Variants in DMD observed in about 807,000 individuals in gnomAD.
DMD encodes mutant dystrophin.
DMD carries 63 observed loss-of-function variants against 330.1 expected under a neutral mutation model. That is an observed-to-expected ratio of 0.19 (90% CI 0.16 to 0.24). The LOEUF (loss-of-function observed/expected upper bound fraction) is 0.24, where lower values mean the gene tolerates loss of function less well. Ranked by LOEUF, DMD falls within the 10% of genes least tolerant of loss-of-function variation. The probability of loss-of-function intolerance (pLI) is 1.00; values close to 1 mark genes in which losing one functional copy is unlikely to be tolerated. For missense variants in DMD, 3,344 were observed against 2,684.1 expected (o/e 1.25, Z -5.43); for synonymous variants, 1,223 against 959.8 (o/e 1.27, Z -5.07).
At chrX:32,185,745 C>G (rs748066237) in intron 44 of DMD, among the ~76,000 whole-genome samples, 1 of 110,756 alleles carries the variant, frequency 9.0e-6, no homozygotes, top group Non-Finnish European at 1.9e-5. Flanking sequence ...TTTAAAAAAA[C>G]TGAATAAATA....
intron 7 of DMD, among the ~76,000 whole-genome samples, chrX:32,781,092 TGGGCGAC>T (rs1418410463): frequency 5.2e-5 from 5 of 96,981 alleles, no homozygotes; most frequent in Non-Finnish European, 1.0e-4. Context: ...CACTCCAGCC[TGGGCGAC>T]GGAGCGAGCC....
chrX:31,318,461 A>G (rs368140755), intron 62 of DMD, among the ~76,000 whole-genome samples: 28 of 112,582 alleles, frequency 2.5e-4, no homozygotes, highest in African/African-American at 9.0e-4. Flanking sequence ...TGTTGACTGA[A>G]GCAACTGTTA....
intron 16 of DMD, among the ~76,000 whole-genome samples, chrX:32,558,287 T>C (rs1446111332): frequency 8.9e-6 from 1 of 111,961 alleles, no homozygotes; most frequent in Non-Finnish European, 1.9e-5. Context: ...AGCAATGAGA[T>C]TTAATTTTTC....
At chrX:32,569,349 G>T (rs1378687896) in intron 15 of DMD, among the ~76,000 whole-genome samples, 1 of 112,026 alleles carries the variant, frequency 8.9e-6, no homozygotes. Flanking sequence ...TATATTATGT[G>T]TAGTTACTTA....
intron 12 of DMD, among the ~76,000 whole-genome samples, chrX:32,599,176 G>A (rs2055901701): frequency 8.9e-6 from 1 of 111,851 alleles, no homozygotes; most frequent in Non-Finnish European, 1.9e-5. Flanking sequence ...CTTCAAATGC[G>A]AAATAAATAT....
chrX:31,293,198 TG>T (rs1341897377), intron 62 of DMD, among the ~76,000 whole-genome samples: 26 of 47,105 alleles, frequency 5.5e-4, no homozygotes, highest in African/African-American at 5.1e-3. Context: ...GTGTGTAGTC[TG>T]GTTTAGTGTG....
At chrX:31,571,804 C>T (rs1376830061) in intron 55 of DMD, among the ~76,000 whole-genome samples, 2 of 111,132 alleles carry the variant, frequency 1.8e-5, no homozygotes, top group Admixed American at 1.9e-4. Flanking sequence ...CAGCAGTATC[C>T]CCGCCCCCAA....
intron 7 of DMD, among the ~76,000 whole-genome samples, chrX:32,738,148 A>T (rs1649250878): frequency 8.9e-6 from 1 of 111,980 alleles, no homozygotes; most frequent in Non-Finnish European, 1.9e-5. Context: ...GAGGGTTACC[A>T]GTGACTTGGT....
chrX:31,865,715 A>C (rs990986471), intron 48 of DMD, among the ~76,000 whole-genome samples: 1 of 73,833 alleles, frequency 1.4e-5, no homozygotes, highest in Non-Finnish European at 2.7e-5. Context: ...ATCTGAGTAT[A>C]TTCTTGAGTC....
Position 31,351,157 on chromosome X carries a change from T to TACACAC in DMD, c.9085-2524_9085-2523insGTGTGT, listed in dbSNP as rs776501693. 1.6e-4 allele frequency among the ~76,000 whole-genome samples: 13 copies of TACACAC among 79,905 alleles called. No individual in the cohort carries two copies. The East Asian group carries it at 2.3e-3, about 14-fold the overall frequency. 69.4% of individuals were successfully genotyped at this position (79,905 alleles called of 115,157 possible). A position where few individuals can be genotyped will look rare whatever the true frequency, so the allele number is the denominator to read the frequency against. ...ATTCACACACACATAGACATACATA[T>TACACAC]ATACACACACACACACACACACATA... On this transcript the variant is annotated intron_variant, in intron 60 of 78. Transcript: ENST00000357033.
At chrX:33,252,929 A>T (rs1027611904) in intron 1 of DMD, among the ~76,000 whole-genome samples, 2 of 111,602 alleles carry the variant, frequency 1.8e-5, no homozygotes, top group African/African-American at 6.5e-5. Context: ...ACAATGCTAA[A>T]TTTTTTCTTG....
intron 1 of DMD, among the ~76,000 whole-genome samples, chrX:33,045,340 A>AC (rs1569551361): frequency 2.9e-4 from 32 of 109,111 alleles, no homozygotes; most frequent in African/African-American, 7.7e-4. Context: ...ACACACACAC[A>AC]AGTATTTCGT....
At chrX:32,835,201 G>A (rs2079510460) in intron 4 of DMD, among the ~76,000 whole-genome samples, 1 of 111,952 alleles carries the variant, frequency 8.9e-6, no homozygotes, top group Non-Finnish European at 1.9e-5. Context: ...AATTTAAAAT[G>A]CCTAATGAAA....
intron 1 of DMD, among the ~76,000 whole-genome samples, chrX:33,230,937 T>TA (rs201586557): frequency 0.015 from 1,622 of 107,782 alleles, 39 homozygotes; most frequent in African/African-American, 0.056. Flanking sequence ...GTTTATGTGC[T>TA]ATGTTAGGAA....
chrX:31,161,325 T>C (rs1456499880), intron 74 of DMD, among the ~76,000 whole-genome samples: 8 of 112,002 alleles, frequency 7.1e-5, no homozygotes, highest in East Asian at 2.8e-4. Flanking sequence ...ATGATGTTCA[T>C]TGATCTATTA....
chrX:33,027,046 C>T lies in DMD; in HGVS notation c.32-6846G>A, dbSNP rs149467174. Among the ~76,000 whole-genome samples the T allele has an allele frequency of 2.1e-3, 232 of 112,276 alleles. 2 individuals carry two copies. Among genetic ancestry groups the T allele is most frequent in the African/African-American group, 7.3e-3 (227 of 30,907 alleles). On this transcript the variant is annotated intron_variant, in intron 1 of 78. Coordinates refer to ENST00000357033, the MANE Select transcript of DMD (RefSeq NM_004006.3). ...TTAAACTCTGGTAGGCAGAATAATG[C>T]CTCCTCAAAAATGGCCACGTGCTAA...
At chrX:32,803,123 T>TA (rs1331523063) in intron 7 of DMD, among the ~76,000 whole-genome samples, 1 of 111,746 alleles carries the variant, frequency 8.9e-6, no homozygotes, top group African/African-American at 3.3e-5. Context: ...TGTAGGCTAT[T>TA]AATTACTGCC....
chrX:31,920,054 G>C (rs780208184), intron 47 of DMD, among the ~76,000 whole-genome samples: 3 of 112,321 alleles, frequency 2.7e-5, no homozygotes, highest in Non-Finnish European at 5.6e-5. Flanking sequence ...AGCCTTGGCA[G>C]GTGGTATACG....
At chrX:32,458,687 A>T (rs2098371233) in intron 25 of DMD, among the ~76,000 whole-genome samples, 1 of 111,272 alleles carries the variant, frequency 9.0e-6, no homozygotes, top group Admixed American at 9.6e-5. Context: ...TTCTGATAAT[A>T]GCCACCCTAA....
Sources: allele counts gnomAD v4.1 joint callset (sites outside exome capture counted in the v4.1 genomes callset), GRCh38; gene constraint gnomAD v4.1.1; transcripts MANE v1.5; gene names NCBI Gene and HGNC (gene_info 2026-07-23, HGNC 2026-07-21).